The following UBE2D2 variants were observed in gnomAD, a reference collection of about 807,000 sequenced individuals.
The protein encoded by UBE2D2 is ubiquitin conjugating enzyme E2 D2.
UBE2D2 carries 2 observed loss-of-function variants against 24.2 expected under a neutral mutation model. The observed-to-expected ratio is 0.08, with a 90% CI of 0.03 to 0.26. The LOEUF (loss-of-function observed/expected upper bound fraction) is 0.26. UBE2D2 is among the 10% of genes least tolerant of loss of function. UBE2D2 has a pLI of 1.00. For synonymous variants in UBE2D2, 58 were observed against 56.5 expected, an observed-to-expected ratio of 1.03 and a Z score of -0.12; for missense variants, 44 against 177.6, an observed-to-expected ratio of 0.25 and a Z score of 4.28.
chr5:139,541,050 C>T (rs898249287), intron 1 of UBE2D2, among the ~76,000 whole-genome samples: 8 of 151,794 alleles, frequency 5.3e-5, no homozygotes, highest in African/African-American at 1.9e-4. Flanking sequence ...GTAATCCCAA[C>T]CCTTTGGGAG....
chr5:139,588,724 C>T (rs977485637), intron 1 of UBE2D2, among the ~76,000 whole-genome samples: 4 of 152,176 alleles, frequency 2.6e-5, no homozygotes, highest in African/African-American at 9.7e-5. Context: ...AAGCTGTCAA[C>T]ATTGTCACAC....
At chr5:139,598,122 C>T (rs569943420) in intron 1 of UBE2D2, among the ~76,000 whole-genome samples, 7 of 152,198 alleles carry the variant, frequency 4.6e-5, no homozygotes, top group East Asian at 3.9e-4. Flanking sequence ...AGGATGGTCT[C>T]GATCTCCTGA....
chr5:139,579,081 C>A (rs1411902111), intron 1 of UBE2D2, among the ~76,000 whole-genome samples: 1 of 152,220 alleles, frequency 6.6e-6, no homozygotes, highest in Non-Finnish European at 1.5e-5. Context: ...GATTCTCCTG[C>A]CTCAGCCTCC....
intron 1 of UBE2D2, among the ~76,000 whole-genome samples, chr5:139,596,038 C>T (rs1352613061): frequency 6.7e-5 from 10 of 148,486 alleles, no homozygotes; most frequent in East Asian, 2.1e-4. Context: ...GGACTACAGG[C>T]GCGCGCCACC....
intron 1 of UBE2D2, among the ~76,000 whole-genome samples, chr5:139,550,714 G>A (rs1018607101): frequency 2.0e-5 from 3 of 151,008 alleles, no homozygotes; most frequent in African/African-American, 4.9e-5. Context: ...ACCCATGGGA[G>A]GAATGAGTAA....
chr5:139,531,392 A>G (rs1295701021), intron 1 of UBE2D2, among the ~76,000 whole-genome samples: 2 of 152,180 alleles, frequency 1.3e-5, no homozygotes, highest in African/African-American at 2.4e-5. Flanking sequence ...GCTCAAATCA[A>G]TCACAACCCT....
At chr5:139,537,513 T>C (rs979995302) in intron 1 of UBE2D2, among the ~76,000 whole-genome samples, 3 of 151,946 alleles carry the variant, frequency 2.0e-5, no homozygotes, top group Non-Finnish European at 4.4e-5. Context: ...TCTCGCTCTG[T>C]CACCCCGGCT....
intron 1 of UBE2D2, among the ~76,000 whole-genome samples, chr5:139,544,305 T>A (rs1191281011): frequency 6.6e-6 from 1 of 150,944 alleles, no homozygotes; most frequent in Non-Finnish European, 1.5e-5. Flanking sequence ...TTTTTTTTTT[T>A]AGACAGAGTT....
At chr5:139,551,742 C>T (rs1193228576) in intron 1 of UBE2D2, among the ~76,000 whole-genome samples, 1 of 152,190 alleles carries the variant, frequency 6.6e-6, no homozygotes, top group Non-Finnish European at 1.5e-5. Flanking sequence ...TGATCAATCT[C>T]TGGTGACAGG....
chr5:139,548,193 A>AAAAAAAAAAAAAAAAATAAATAAATAAAT, intron 1 of UBE2D2, among the ~76,000 whole-genome samples: 4 of 47,104 alleles, frequency 8.5e-5, no homozygotes, highest in South Asian at 6.6e-4. Context: ...ATAAAAAAAA[A>AAAAAAAAAAAAAAAAATAAATAAATAAAT]AAATAAATAA....
At chr5:139,590,149 G>A (rs537161937) in intron 1 of UBE2D2, among the ~76,000 whole-genome samples, 38 of 152,142 alleles carry the variant, frequency 2.5e-4, no homozygotes, top group Middle Eastern at 6.8e-3. Context: ...TTACCAAATC[G>A]TTGTGATAGT....
At chr5:139,583,319 GT>G (rs1753646781) in intron 1 of UBE2D2, among the ~76,000 whole-genome samples, 1 of 152,174 alleles carries the variant, frequency 6.6e-6, no homozygotes, top group Non-Finnish European at 1.5e-5. Context: ...GATTTTTTAA[GT>G]GTTTTCACTA....
At chr5:139,568,518 T>C (rs1314123812) in intron 1 of UBE2D2, among the ~76,000 whole-genome samples, 3 of 151,106 alleles carry the variant, frequency 2.0e-5, no homozygotes, top group African/African-American at 7.3e-5. Context: ...AATTAGTCAG[T>C]GTGGTGGCAG....
intron 1 of UBE2D2, among the ~76,000 whole-genome samples, chr5:139,592,820 G>A (rs1001392109): frequency 5.3e-5 from 8 of 150,968 alleles, no homozygotes; most frequent in Non-Finnish European, 1.2e-4. Context: ...GCCAGGATGG[G>A]TCTCGATCTC....
chr5:139,567,740 G>A (rs1753263306), intron 1 of UBE2D2, among the ~76,000 whole-genome samples: 1 of 150,316 alleles, frequency 6.7e-6, no homozygotes, highest in Non-Finnish European at 1.5e-5. Flanking sequence ...CACCATGTTG[G>A]CCAAGCTGGT....
At chr5:139,533,988 G>A (rs1752630722) in intron 1 of UBE2D2, among the ~76,000 whole-genome samples, 1 of 151,344 alleles carries the variant, frequency 6.6e-6, no homozygotes, top group Non-Finnish European at 1.5e-5. Flanking sequence ...TCACCATTTT[G>A]GCCAGGCTGG....
At chr5:139,552,902 G>A (rs551695038) in intron 1 of UBE2D2, among the ~76,000 whole-genome samples, 11 of 151,964 alleles carry the variant, frequency 7.2e-5, no homozygotes, top group African/African-American at 1.7e-4. Context: ...TGCTGGTCTC[G>A]AACTCCCGAT....
intron 1 of UBE2D2, among the ~76,000 whole-genome samples, chr5:139,570,362 G>A (rs1253448059): frequency 6.6e-6 from 1 of 151,918 alleles, no homozygotes; most frequent in Non-Finnish European, 1.5e-5. Flanking sequence ...CCCCCGAAAC[G>A]GAGTCTCTAC....
chr5:139,554,082 G>A (rs1006857271), intron 1 of UBE2D2, among the ~76,000 whole-genome samples: 1 of 152,112 alleles, frequency 6.6e-6, no homozygotes, highest in Admixed American at 6.6e-5. Flanking sequence ...GCCCGGCCAA[G>A]GTTCCATGAG....
Sources: allele counts gnomAD v4.1 joint callset (sites outside exome capture counted in the v4.1 genomes callset), GRCh38; gene constraint gnomAD v4.1.1; transcripts MANE v1.5; gene names NCBI Gene and HGNC (gene_info 2026-07-23, HGNC 2026-07-21).